IFT74: variants seen among roughly 807,000 people sequenced by gnomAD.
The protein encoded by IFT74 is intraflagellar transport protein 74 homolog.
Under a neutral mutation model 96.7 loss-of-function variants are expected in IFT74, and 92 were observed. That is an observed-to-expected ratio of 0.95 (90% CI 0.80 to 1.13). IFT74 has a LOEUF of 1.13. Among genes scored for constraint, IFT74 ranks in the 50% most tolerant of loss-of-function variants. The pLI is 0.00. For missense variants in IFT74, 811 were observed against 698.2 expected, an observed-to-expected ratio of 1.16 and a Z score of -1.82; for synonymous variants, 223 against 213.2, an observed-to-expected ratio of 1.05 and a Z score of -0.40.
intron 8 of IFT74, among the ~76,000 whole-genome samples, chr9:26,996,720 A>G (rs182213680): frequency 1.2e-3 from 176 of 152,256 alleles, no homozygotes; most frequent in African/African-American, 3.9e-3. Flanking sequence ...TATTTAGTTT[A>G]TCTGTATTAG....
intron 13 of IFT74, among the ~76,000 whole-genome samples, chr9:27,035,079 G>T (rs1819110686): frequency 6.6e-6 from 1 of 151,996 alleles, no homozygotes; most frequent in Non-Finnish European, 1.5e-5. Flanking sequence ...TAACATAAAT[G>T]GTAAACATAT....
chr9:26,984,242 T>C lies in IFT74; in HGVS notation c.306-15T>C, dbSNP rs1008804458. 2 of 1,544,796 alleles carry C rather than the reference T, an allele frequency of 1.3e-6. No individual in the cohort carries two copies. The highest frequency in any genetic ancestry group is 2.8e-5 in the African/African-American group (2 of 71,746). On this transcript the variant is annotated splice_polypyrimidine_tract_variant and intron_variant, in intron 4 of 19. Transcript: ENST00000380062. Reference sequence around the variant, plus strand: ...ATTAAAAGTATTGCTGACATTCTTATTTCTTTTCTAATAGAAGTAAAATAA... The same window carrying C: ...ATTAAAAGTATTGCTGACATTCTTACTTCTTTTCTAATAGAAGTAAAATAA...
chr9:26,968,756 T>C (rs1039436921), intron 2 of IFT74, among the ~76,000 whole-genome samples: 6 of 152,178 alleles, frequency 3.9e-5, no homozygotes, highest in Admixed American at 6.5e-5. Flanking sequence ...TCAGTTGTAG[T>C]ATCTTCTTTT....
intron 13 of IFT74, among the ~76,000 whole-genome samples, chr9:27,034,909 CATGCTATTT>C (rs1403180141): frequency 6.6e-6 from 1 of 152,192 alleles, no homozygotes; most frequent in Non-Finnish European, 1.5e-5. Context: ...TGATCTTGGA[CATGCTATTT>C]ATGCTATTTA....
chr9:26,996,226 A>T, intron 8 of IFT74: 1 of 837,860 alleles, frequency 1.2e-6, no homozygotes, highest in Non-Finnish European at 1.7e-6. Context: ...TACATTTTTT[A>T]TACAAATTTA....
rs1211684878 is a variant in IFT74 at position 26,990,117 on chromosome 9, G to A, written c.526-17G>A. 4.1e-6 allele frequency: 6 copies of A among 1,461,584 alleles called. No homozygotes were observed. Among genetic ancestry groups the A allele is most frequent in the Non-Finnish European group, 5.5e-6 (6 of 1,099,398 alleles). 90.5% of individuals were successfully genotyped at this position (1,461,584 alleles called of 1,614,324 possible). ...TAATATTTATTTCTTACTAACTTAT[G>A]TGTTAACTTTATTCAGCTTAAAGCT... On this transcript the variant is annotated splice_polypyrimidine_tract_variant and intron_variant, in intron 7 of 19. Transcript: ENST00000380062.
chr9:26,980,971 G>T (rs1827350715), intron 4 of IFT74, among the ~76,000 whole-genome samples: 1 of 152,178 alleles, frequency 6.6e-6, no homozygotes, highest in Admixed American at 6.5e-5. Context: ...AGAAGTCCAA[G>T]ATCAAGGTGC....
intron 4 of IFT74, among the ~76,000 whole-genome samples, chr9:26,983,245 T>C (rs1433455046): frequency 6.6e-6 from 1 of 152,210 alleles, no homozygotes; most frequent in African/African-American, 2.4e-5. Flanking sequence ...TTAGTATCTC[T>C]GACATTCAGC....
At chr9:27,028,021 G>A (rs1011001609) in intron 12 of IFT74, among the ~76,000 whole-genome samples, 1 of 152,118 alleles carries the variant, frequency 6.6e-6, no homozygotes, top group Non-Finnish European at 1.5e-5. Context: ...TTCTGCATAT[G>A]CACTTTTCCC....
intron 8 of IFT74, among the ~76,000 whole-genome samples, chr9:27,008,044 T>G (rs996281760): frequency 6.6e-6 from 1 of 152,228 alleles, no homozygotes; most frequent in African/African-American, 2.4e-5. Context: ...TATTACTACT[T>G]TTATAGGATT....
rs550881911 is a variant in IFT74, at chr9:27,060,931, C to T, written c.1684+280C>T. 1.1e-4 allele frequency: 21 copies of T among 185,332 alleles called. 1 individual carries two copies. Among genetic ancestry groups the T allele is most frequent in the South Asian group, 9.1e-4 (10 of 11,004 alleles). The allele number at this position is 185,332 out of a possible 1,614,324, so 11.5% of individuals were successfully genotyped here. A position where few individuals can be genotyped will look rare whatever the true frequency, so the allele number is the denominator to read the frequency against. ...GAGCCGAGATGGCACCACTGCACTCCAGCCTGGGCGACAGAGCAAGACTCC... is the reference window on the plus strand; with the variant it reads ...GAGCCGAGATGGCACCACTGCACTCTAGCCTGGGCGACAGAGCAAGACTCC... On this transcript the variant is annotated intron_variant, in intron 19 of 19. Transcript: ENST00000380062.
At chr9:26,957,336 C>A (rs1461656302) in intron 1 of IFT74, among the ~76,000 whole-genome samples, 1 of 152,204 alleles carries the variant, frequency 6.6e-6, no homozygotes, top group East Asian at 1.9e-4. Flanking sequence ...AGAGTAATAT[C>A]TTTTCCACTG....
chr9:27,017,149 T>TGTAGTA, intron 11 of IFT74, 99 bp downstream of exon 11: 2 of 882,462 alleles, frequency 2.3e-6, no homozygotes, highest in East Asian at 5.2e-5. Flanking sequence ...GTAAAGCTAG[T>TGTAGTA]AAGTGTATTG....
Position 26,990,128 on chromosome 9 carries a change from A to C in IFT74, c.526-6A>C, listed in dbSNP as rs1827801031. On this transcript the variant is annotated splice_region_variant and splice_polypyrimidine_tract_variant and intron_variant, in intron 7 of 19. Transcript: ENST00000380062. Reference sequence around the variant, plus strand: ...TCTTACTAACTTATGTGTTAACTTTATTCAGCTTAAAGCTCAAAATGATCG... The same window carrying C: ...TCTTACTAACTTATGTGTTAACTTTCTTCAGCTTAAAGCTCAAAATGATCG... The C allele has an allele frequency of 6.7e-7, 1 of 1,493,420 alleles. No individual in the cohort carries two copies. The highest frequency in any genetic ancestry group is 8.9e-7 in the Non-Finnish European group (1 of 1,123,034). 92.5% of individuals were successfully genotyped at this position (1,493,420 alleles called of 1,614,324 possible).
intron 4 of IFT74, among the ~76,000 whole-genome samples, chr9:26,981,601 G>A (rs956269169): frequency 6.6e-6 from 1 of 151,916 alleles, no homozygotes; most frequent in Non-Finnish European, 1.5e-5. Context: ...TGTGTTTTTA[G>A]TAGAGGTGGC....
chr9:27,000,343 G>A (rs981637327), intron 8 of IFT74, among the ~76,000 whole-genome samples: 1 of 152,116 alleles, frequency 6.6e-6, no homozygotes, highest in Non-Finnish European at 1.5e-5. Context: ...TCAGGAAAAC[G>A]TATATTTATG....
chr9:26,967,779 T>C (rs1385872946), intron 2 of IFT74, among the ~76,000 whole-genome samples: 1 of 152,174 alleles, frequency 6.6e-6, no homozygotes, highest in Non-Finnish European at 1.5e-5. Flanking sequence ...CTATACCTGG[T>C]TTTTTGAGGA....
chr9:27,062,704 G>GT lies in IFT74; in HGVS notation c.1772dup (p.Asp592GlyfsTer5). 6.2e-7 allele frequency: 1 copy of GT among 1,602,626 alleles called. No individual in the cohort carries two copies. Among genetic ancestry groups the GT allele is most frequent in the Non-Finnish European group, 8.5e-7 (1 of 1,172,988 alleles). On this transcript the variant is annotated frameshift_variant, in exon 20 of 20. Transcript: ENST00000380062. LOFTEE classifies it high-confidence loss of function. ...GATTGCAGAGTACAATAAAACCATC[G>GT]TGGATGCTTTACATAGCACCAGCGG...
intron 3 of IFT74, 89 bp downstream of exon 3, chr9:26,978,352 T>G: frequency 7.3e-7 from 1 of 1,378,058 alleles, no homozygotes; most frequent in Middle Eastern, 1.9e-4. Flanking sequence ...AAAAGTTGAG[T>G]ATATTTTGAA....
Sources: gnomAD v4.1 joint callset for allele counts (sites outside exome capture counted in the v4.1 genomes callset) on GRCh38, gnomAD v4.1.1 for gene constraint, MANE v1.5 for transcripts, NCBI Gene and HGNC (gene_info 2026-07-23, HGNC 2026-07-21) for gene names.